Variants in SLC36A4 observed in about 807,000 individuals in gnomAD.
SLC36A4 encodes solute carrier family 36 member 4, also known as neutral amino acid uniporter 4.
Under a neutral mutation model 50.5 loss-of-function variants are expected in SLC36A4, and 49 were observed. The ratio of observed to expected loss-of-function variants is 0.97; its 90% CI spans 0.77 to 1.23. The LOEUF (loss-of-function observed/expected upper bound fraction) is 1.23, where lower values mean the gene tolerates loss of function less well. Ranked by LOEUF, SLC36A4 falls within the 50% of genes most tolerant of loss-of-function variation. The pLI is 0.00. For missense variants in SLC36A4, 611 were observed against 608.4 expected (o/e 1.00, Z -0.05); for synonymous variants, 207 against 206.5 (o/e 1.00, Z -0.02).
intron 9 of SLC36A4, chr11:93,160,074 A>G (rs376442889): frequency 4.1e-6 from 4 of 985,408 alleles, no homozygotes; most frequent in East Asian, 2.3e-4. Flanking sequence ...TAAGAAAGAA[A>G]TCTTAAATGT....
chr11:93,153,125 A>C (rs1042287485), intron 10 of SLC36A4, among the ~76,000 whole-genome samples: 14 of 152,120 alleles, frequency 9.2e-5, no homozygotes, highest in Admixed American at 9.2e-4. Context: ...GCTCCATGGC[A>C]GGCTGCTCAA....
At chr11:93,191,749 T>C (rs1035130690) in intron 1 of SLC36A4, among the ~76,000 whole-genome samples, 20 of 152,312 alleles carry the variant, frequency 1.3e-4, no homozygotes, top group Admixed American at 1.2e-3. Context: ...AAGACTATGA[T>C]GGCTTTTATG....
chr11:93,152,912 A>G (rs916434728), intron 10 of SLC36A4, among the ~76,000 whole-genome samples: 1 of 152,126 alleles, frequency 6.6e-6, no homozygotes, highest in Non-Finnish European at 1.5e-5. Flanking sequence ...ATGTCTTAAA[A>G]TATCTTTTTC....
chr11:93,164,238 A>G (rs891330705), intron 8 of SLC36A4, among the ~76,000 whole-genome samples: 1 of 152,208 alleles, frequency 6.6e-6, no homozygotes, highest in African/African-American at 2.4e-5. Context: ...CTGGTTTTAC[A>G]TCTACCCACC....
At chr11:93,185,487 C>T in intron 2 of SLC36A4, 7 of 384,886 alleles carry the variant, frequency 1.8e-5, no homozygotes, top group South Asian at 8.9e-5. Flanking sequence ...GCATTTGTTA[C>T]GCATCATCAC....
At chr11:93,157,883 T>C (rs757747949) in intron 9 of SLC36A4, among the ~76,000 whole-genome samples, 6 of 152,146 alleles carry the variant, frequency 3.9e-5, no homozygotes, top group Non-Finnish European at 7.4e-5. Context: ...GCCTGATTGC[T>C]CTGGCCAGGA....
chr11:93,195,602 C>T (rs1435125889), intron 1 of SLC36A4, among the ~76,000 whole-genome samples: 1 of 152,212 alleles, frequency 6.6e-6, no homozygotes, highest in Non-Finnish European at 1.5e-5. Flanking sequence ...TCATGACACT[C>T]CTCTGTTCAA....
chr11:93,156,429 T>C (rs892454430), intron 9 of SLC36A4, among the ~76,000 whole-genome samples: 1 of 150,520 alleles, frequency 6.6e-6, no homozygotes, highest in African/African-American at 2.4e-5. Flanking sequence ...TTTTTTTTTC[T>C]TTTTTTTTGG....
chr11:93,192,997 G>A (rs1862276315), intron 1 of SLC36A4: 1 of 189,284 alleles, frequency 5.3e-6, no homozygotes, highest in African/African-American at 2.4e-5. Flanking sequence ...ATGAAATAAT[G>A]TATATGAAGC....
chr11:93,170,418 T>C (rs904788237), intron 6 of SLC36A4, among the ~76,000 whole-genome samples: 1 of 152,058 alleles, frequency 6.6e-6, no homozygotes, highest in African/African-American at 2.4e-5. Flanking sequence ...ATCTTTTACA[T>C]TTTACAAAGG....
chr11:93,155,099 G>A (rs888519147), intron 9 of SLC36A4: 28 of 152,024 alleles, frequency 1.8e-4, no homozygotes, highest in Non-Finnish European at 4.0e-4. Flanking sequence ...AGAATTGTAG[G>A]ACCTAGAGGA....
At position 93,191,352 on chromosome 11, in the gene SLC36A4, G is replaced by A. The variant is rs184755782; in HGVS notation, c.56-5538C>T. 1.7e-3 allele frequency among the ~76,000 whole-genome samples: 257 copies of A among 152,290 alleles called. 1 individual carries two copies. The highest frequency in any genetic ancestry group is 3.2e-3 in the Non-Finnish European group (221 of 68,036). Reference sequence around the variant, plus strand: ...GCATTCCAGGCTTGAATACAATTGCGTGCTTGAGAAACTTTAGGTTGGTTT... The same window carrying A: ...GCATTCCAGGCTTGAATACAATTGCATGCTTGAGAAACTTTAGGTTGGTTT... On this transcript the variant is annotated intron_variant, in intron 1 of 10. Coordinates refer to ENST00000326402, the MANE Select transcript of SLC36A4 (RefSeq NM_152313.4).
chr11:93,196,132 A>T (rs1408443835), intron 1 of SLC36A4, among the ~76,000 whole-genome samples: 1 of 152,170 alleles, frequency 6.6e-6, no homozygotes, highest in African/African-American at 2.4e-5. Flanking sequence ...AAAAAACTGA[A>T]ATAATTTGAA....
At chr11:93,177,961 GCCC>G (rs1457844289) in intron 6 of SLC36A4, among the ~76,000 whole-genome samples, 2 of 152,184 alleles carry the variant, frequency 1.3e-5, no homozygotes, top group Non-Finnish European at 2.9e-5. Context: ...GCTATGCCCT[GCCC>G]CCAGAGGTGG....
chr11:93,191,100 C>A lies in SLC36A4; in HGVS notation c.56-5286G>T, dbSNP rs192417477. ...AAGTTGCATCTTTAAATGGTAAGAGCCTATATAAACCTAGATCTCTGAACA... is the reference window on the plus strand; with the variant it reads ...AAGTTGCATCTTTAAATGGTAAGAGACTATATAAACCTAGATCTCTGAACA... On this transcript the variant is annotated intron_variant, in intron 1 of 10. Coordinates refer to ENST00000326402, the MANE Select transcript of SLC36A4 (RefSeq NM_152313.4). Among the ~76,000 whole-genome samples, 34 of 152,118 alleles carry A rather than the reference C, an allele frequency of 2.2e-4. No individual in the cohort carries two copies. In the East Asian group the frequency reaches 5.0e-3, roughly 23 times the overall value.
intron 7 of SLC36A4, chr11:93,166,468 G>T: frequency 1.1e-6 from 1 of 944,128 alleles, no homozygotes; most frequent in Non-Finnish European, 1.3e-6. Context: ...CCTGACACTG[G>T]CTTTCTACCT....
chr11:93,158,911 T>G (rs938219473), intron 9 of SLC36A4, among the ~76,000 whole-genome samples: 8 of 152,096 alleles, frequency 5.3e-5, no homozygotes, highest in Non-Finnish European at 1.2e-4. Flanking sequence ...TCAAACAACT[T>G]TAAACAACAT....
At chr11:93,180,149 G>T (rs2134689406) in intron 6 of SLC36A4, 1 of 974,590 alleles carries the variant, frequency 1.0e-6, no homozygotes, top group African/African-American at 1.8e-5. Context: ...GATTAAAGAA[G>T]AGCAGGGGAT....
intron 3 of SLC36A4, among the ~76,000 whole-genome samples, chr11:93,183,850 A>G (rs1010237071): frequency 2.0e-5 from 3 of 151,984 alleles, no homozygotes; most frequent in African/African-American, 7.2e-5. Flanking sequence ...GGCATCCGCC[A>G]CCACGCCCGG....
Sources: gnomAD v4.1 joint callset for allele counts (sites outside exome capture counted in the v4.1 genomes callset) on GRCh38, gnomAD v4.1.1 for gene constraint, MANE v1.5 for transcripts, NCBI Gene and HGNC (gene_info 2026-07-23, HGNC 2026-07-21) for gene names.